The following PPP2R2C variants were observed in gnomAD, a reference collection of about 807,000 sequenced individuals.
The protein encoded by PPP2R2C is protein phosphatase 2 regulatory subunit Bgamma.
In PPP2R2C, 10 loss-of-function variants were observed where a neutral mutation model predicts 45.3. That is an observed-to-expected ratio of 0.22 (90% CI 0.14 to 0.37). PPP2R2C has a LOEUF of 0.37. Ranked by LOEUF, PPP2R2C falls within the 10% of genes least tolerant of loss-of-function variation. The pLI is 1.00. For missense variants in PPP2R2C, 308 were observed against 619.7 expected (o/e 0.50, Z 5.34); for synonymous variants, 257 against 245.4 (o/e 1.05, Z -0.44).
At chr4:6,395,876 C>T (rs1716997274) in intron 1 of PPP2R2C, among the ~76,000 whole-genome samples, 1 of 152,156 alleles carries the variant, frequency 6.6e-6, no homozygotes. Context: ...GGTGTGAGTC[C>T]CAGCCTCCCC....
At chr4:6,467,694 G>C (rs995797683) in intron 1 of PPP2R2C, among the ~76,000 whole-genome samples, 1 of 152,200 alleles carries the variant, frequency 6.6e-6, no homozygotes, top group African/African-American at 2.4e-5. Flanking sequence ...ACGAGTTGGG[G>C]TGCTATGGGC....
At chr4:6,544,813 A>C (rs533602899) in intron 1 of PPP2R2C, among the ~76,000 whole-genome samples, 8 of 152,378 alleles carry the variant, frequency 5.3e-5, no homozygotes, top group Admixed American at 4.6e-4. Context: ...AAATTAGCAC[A>C]AACTCCCAGA....
chr4:6,500,559 G>A (rs1577223504), intron 2 of PPP2R2C, among the ~76,000 whole-genome samples: 1 of 152,220 alleles, frequency 6.6e-6, no homozygotes, highest in Non-Finnish European at 1.5e-5. Flanking sequence ...TTTGGAAGGG[G>A]CCCATCACAG....
chr4:6,375,184 C>A (rs1715196760), intron 4 of PPP2R2C, among the ~76,000 whole-genome samples: 1 of 152,160 alleles, frequency 6.6e-6, no homozygotes, highest in Non-Finnish European at 1.5e-5. Flanking sequence ...AATCGGCTGC[C>A]CACTTCCTCA....
chr4:6,351,091 G>C, intron 5 of PPP2R2C: 1 of 907,608 alleles, frequency 1.1e-6, no homozygotes, highest in Non-Finnish European at 1.3e-6. Flanking sequence ...GGTCACCTGA[G>C]CTCAGGAGTT....
intron 5 of PPP2R2C, among the ~76,000 whole-genome samples, chr4:6,369,648 T>TGCCTCCTCATGCATCC (rs1714640984): frequency 6.6e-6 from 1 of 152,208 alleles, no homozygotes; most frequent in Non-Finnish European, 1.5e-5. Context: ...CGGCACCTTC[T>TGCCTCCTCATGCATCC]GCCTCCTCAT....
At chr4:6,391,981 C>A (rs989072657) in intron 1 of PPP2R2C, among the ~76,000 whole-genome samples, 7 of 152,180 alleles carry the variant, frequency 4.6e-5, no homozygotes, top group Non-Finnish European at 8.8e-5. Context: ...TTTACTGGCT[C>A]ATCACCTAGC....
intron 3 of PPP2R2C, among the ~76,000 whole-genome samples, chr4:6,377,152 C>G (rs909318032): frequency 6.6e-6 from 1 of 152,200 alleles, no homozygotes; most frequent in Admixed American, 6.5e-5. Flanking sequence ...TTCGGGAGAG[C>G]CTTGGAGGCC....
chr4:6,474,114 G>A (rs1318216323), upstream of PPP2R2C, among the ~76,000 whole-genome samples: 5 of 152,106 alleles, frequency 3.3e-5, no homozygotes, highest in Admixed American at 2.0e-4. Flanking sequence ...TTTCTACCCC[G>A]TAGGAAAGTG....
chr4:6,558,090 G>C (rs1283388258), intron 1 of PPP2R2C, among the ~76,000 whole-genome samples: 6 of 152,164 alleles, frequency 3.9e-5, no homozygotes, highest in African/African-American at 7.2e-5. Flanking sequence ...GTGAGACTTG[G>C]GGCAGTGACT....
chr4:6,446,014 G>A (rs183084443), intron 1 of PPP2R2C, among the ~76,000 whole-genome samples: 8 of 152,334 alleles, frequency 5.3e-5, no homozygotes, highest in South Asian at 4.1e-4. Context: ...TGGTGCACAT[G>A]GGTGTGGGCT....
chr4:6,440,694 T>G (rs1245707099), intron 1 of PPP2R2C, among the ~76,000 whole-genome samples: 1 of 152,224 alleles, frequency 6.6e-6, no homozygotes, highest in Non-Finnish European at 1.5e-5. Flanking sequence ...CCTCCCTGAC[T>G]GGCACGTCTC....
intron 1 of PPP2R2C, among the ~76,000 whole-genome samples, chr4:6,405,195 C>T (rs572390104): frequency 3.3e-4 from 51 of 152,268 alleles, no homozygotes; most frequent in South Asian, 4.1e-4. Flanking sequence ...TTAGTCTCCC[C>T]GTTTTACAGA....
intron 1 of PPP2R2C, chr4:6,535,503 C>T (rs1363856540): frequency 1.6e-6 from 1 of 633,876 alleles, no homozygotes; most frequent in Non-Finnish European, 2.7e-6. Context: ...CGGCACAGCT[C>T]CAGCCAGCCC....
intron 1 of PPP2R2C, among the ~76,000 whole-genome samples, chr4:6,405,140 C>T (rs962167748): frequency 3.9e-5 from 6 of 152,198 alleles, no homozygotes; most frequent in South Asian, 2.1e-4. Context: ...TATCCATCGT[C>T]CCCTTTAATT....
At chr4:6,337,873 G>A (rs57578910) in intron 6 of PPP2R2C, among the ~76,000 whole-genome samples, 5,418 of 152,246 alleles carry the variant, frequency 0.036, 314 homozygotes, top group African/African-American at 0.12. Flanking sequence ...ACGATAGATC[G>A]GAAGGGATAT....
chr4:6,333,997 A>T (rs61194699), intron 6 of PPP2R2C, among the ~76,000 whole-genome samples: 8,985 of 152,260 alleles, frequency 0.059, 868 homozygotes, highest in African/African-American at 0.2. Flanking sequence ...CAGTGCTGGA[A>T]GAAGGTGGTA....
At chr4:6,355,453 G>T (rs1053373451) in intron 5 of PPP2R2C, among the ~76,000 whole-genome samples, 1 of 150,840 alleles carries the variant, frequency 6.6e-6, no homozygotes, top group African/African-American at 2.5e-5. Flanking sequence ...CACCAGCATG[G>T]CACATGTATA....
At position 6,472,334 on chromosome 4, in the gene PPP2R2C, G is replaced by C; in HGVS notation, c.-105C>G. 7.4e-7 allele frequency: 1 copy of C among 1,353,866 alleles called. No individual in the cohort carries two copies. The highest frequency in any genetic ancestry group is 9.5e-7 in the Non-Finnish European group (1 of 1,051,528). 83.9% of individuals were successfully genotyped at this position (1,353,866 alleles called of 1,614,324 possible). A position where few individuals can be genotyped will look rare whatever the true frequency, so the allele number is the denominator to read the frequency against. ...GGCCATGCCGCCGCAGCCTAGCAGGGGCGCGGGCCGCCGGGGCCCCGAAGG... is the reference window on the plus strand; with the variant it reads ...GGCCATGCCGCCGCAGCCTAGCAGGCGCGCGGGCCGCCGGGGCCCCGAAGG... On this transcript the variant is annotated 5_prime_UTR_variant, in exon 1 of 9. Transcript: ENST00000382599.
Sources: allele counts gnomAD v4.1 joint callset (sites outside exome capture counted in the v4.1 genomes callset), GRCh38; gene constraint gnomAD v4.1.1; transcripts MANE v1.5; gene names NCBI Gene and HGNC (gene_info 2026-07-23, HGNC 2026-07-21).